ZNF626: variants seen among roughly 807,000 people sequenced by gnomAD.
The protein encoded by ZNF626 is CTC-513N18.7.
In ZNF626, 4 loss-of-function variants were observed where a neutral mutation model predicts 11.7. That is an observed-to-expected ratio of 0.34 (90% CI 0.17 to 0.78). The LOEUF is 0.78. Among genes scored for constraint, ZNF626 ranks in the 30% least tolerant of loss-of-function variants. ZNF626 has a pLI of 0.57. For missense variants in ZNF626, 588 were observed against 587.1 expected, an observed-to-expected ratio of 1.00 and a Z score of -0.01; for synonymous variants, 179 against 198.6, an observed-to-expected ratio of 0.90 and a Z score of 0.83.
intron 1 of ZNF626, among the ~76,000 whole-genome samples, chr19:20,646,661 C>T (rs1970082387): frequency 6.6e-6 from 1 of 152,094 alleles, no homozygotes; most frequent in African/African-American, 2.4e-5. Context: ...AGGGCAAGAA[C>T]AGGAACATGT....
At chr19:20,646,752 G>A (rs1254346415) in intron 1 of ZNF626, among the ~76,000 whole-genome samples, 2 of 152,158 alleles carry the variant, frequency 1.3e-5, no homozygotes, top group African/African-American at 4.8e-5. Flanking sequence ...TTAGTTAGAA[G>A]GCATCTCTAA....
At chr19:20,627,335 T>G (rs1407711901) in intron 3 of ZNF626, among the ~76,000 whole-genome samples, 2 of 151,350 alleles carry the variant, frequency 1.3e-5, no homozygotes, top group Non-Finnish European at 2.9e-5. Flanking sequence ...ATGAAGAATT[T>G]TTGTATTCAA....
At chr19:20,641,978 T>C (rs1287083035) in intron 3 of ZNF626, among the ~76,000 whole-genome samples, 1 of 152,002 alleles carries the variant, frequency 6.6e-6, no homozygotes, top group East Asian at 1.9e-4. Flanking sequence ...AAAATTACCT[T>C]CAAATCACAA....
intron 3 of ZNF626, among the ~76,000 whole-genome samples, chr19:20,633,705 T>C (rs541057363): frequency 6.6e-6 from 1 of 152,292 alleles, no homozygotes; most frequent in South Asian, 2.1e-4. Flanking sequence ...TTTCTTTGAC[T>C]AGGAAAGGGA....
intron 3 of ZNF626, among the ~76,000 whole-genome samples, chr19:20,628,350 A>T (rs553781207): frequency 6.6e-6 from 1 of 151,818 alleles, no homozygotes; most frequent in South Asian, 2.1e-4. Flanking sequence ...CTGAGGAATC[A>T]CCACACTGAC....
chr19:20,652,412 C>G (rs1555772662), intron 1 of ZNF626, among the ~76,000 whole-genome samples: 15 of 151,854 alleles, frequency 9.9e-5, no homozygotes, highest in Non-Finnish European at 1.5e-5. Flanking sequence ...GGAATCTACA[C>G]TTTGAGTAGC....
At chr19:20,638,451 A>AAATAAATAAATAAATAAAT (rs1555771128) in intron 3 of ZNF626, among the ~76,000 whole-genome samples, 1 of 150,836 alleles carries the variant, frequency 6.6e-6, no homozygotes, top group East Asian at 1.9e-4. Flanking sequence ...ATAAATAAAT[A>AAATAAATAAATAAATAAAT]AATAAAATTA....
chr19:20,650,450 T>C (rs1275945436), intron 1 of ZNF626, among the ~76,000 whole-genome samples: 1 of 152,164 alleles, frequency 6.6e-6, no homozygotes, highest in African/African-American at 2.4e-5. Flanking sequence ...TAATATAAAA[T>C]TTAAAAACTA....
At chr19:20,639,517 C>T (rs116620743) in intron 3 of ZNF626, among the ~76,000 whole-genome samples, 3,483 of 152,290 alleles carry the variant, frequency 0.023, 139 homozygotes, top group African/African-American at 0.079. Flanking sequence ...GTAAGAGGAT[C>T]CATTGGTGCC....
At chr19:20,632,861 C>T (rs531182639) in intron 3 of ZNF626, among the ~76,000 whole-genome samples, 10 of 152,260 alleles carry the variant, frequency 6.6e-5, no homozygotes, top group Admixed American at 1.3e-4. Context: ...GAGAGGCGCT[C>T]GGATTTTTAG....
intron 3 of ZNF626, among the ~76,000 whole-genome samples, chr19:20,640,949 G>C (rs371160672): frequency 6.6e-6 from 1 of 152,026 alleles, no homozygotes; most frequent in Non-Finnish European, 1.5e-5. Flanking sequence ...AGGAGTTTGA[G>C]ACCAGGCTGT....
chr19:20,656,394 T>C (rs903617288), intron 1 of ZNF626, among the ~76,000 whole-genome samples: 2 of 152,082 alleles, frequency 1.3e-5, no homozygotes. Context: ...GACTTCATGA[T>C]GAAGCTACCA....
chr19:20,627,591 G>A (rs1190543067), intron 3 of ZNF626, among the ~76,000 whole-genome samples: 2 of 151,760 alleles, frequency 1.3e-5, no homozygotes, highest in Admixed American at 6.6e-5. Context: ...TTCTCTTTCA[G>A]AAAACCATTT....
rs782382421 is a variant in ZNF626, at chr19:20,625,691, C to G, written c.227-41G>C. On this transcript the variant is annotated intron_variant, in intron 3 of 3. Transcript: ENST00000601440. The stretch of plus-strand genomic sequence containing the variant: ...AAAACACATTACTTCAATTGGTAGA[C>G]TCAGATAAATATAAATATATATATG... The G allele has an allele frequency of 4.7e-6, 7 of 1,498,936 alleles. No individual in the cohort carries two copies. The African/African-American group carries it at 8.4e-5, about 18-fold the overall frequency. The allele number at this position is 1,498,936 out of a possible 1,614,324, so 92.9% of individuals were successfully genotyped here.
At chr19:20,652,626 A>C (rs542575695) in intron 1 of ZNF626, among the ~76,000 whole-genome samples, 163 of 152,320 alleles carry the variant, frequency 1.1e-3, no homozygotes, top group African/African-American at 3.8e-3. Flanking sequence ...GAACAGTCTC[A>C]AAAGATGAAT....
chr19:20,645,810 T>C (rs782593925), intron 2 of ZNF626, 31 bp from the exon 3 acceptor site: 2 of 1,543,516 alleles, frequency 1.3e-6, no homozygotes, highest in Non-Finnish European at 1.8e-6. Context: ...AACATAAATC[T>C]TGCTTATGTT....
chr19:20,629,010 G>T (rs1568455566), intron 3 of ZNF626, among the ~76,000 whole-genome samples: 1 of 152,180 alleles, frequency 6.6e-6, no homozygotes, highest in Non-Finnish European at 1.5e-5. Flanking sequence ...TGGCTAGCCA[G>T]TTTTCCCAGC....
At position 20,623,644 on chromosome 19, in the gene ZNF626, CAA is replaced by C. The variant is rs1329938290; in HGVS notation, c.*644_*645del. 2 of 177,782 alleles carry C rather than the reference CAA, an allele frequency of 1.1e-5. No individual in the cohort carries two copies. The highest frequency in any genetic ancestry group is 2.4e-5 in the Non-Finnish European group (2 of 84,008). 11.0% of individuals were successfully genotyped at this position (177,782 alleles called of 1,614,324 possible). ...TGTAACCTTGTCTCTACTAAAAATACAAAAGTTAGCTGGGCATGGGGGTGGGC... is the reference window on the plus strand; with the variant it reads ...TGTAACCTTGTCTCTACTAAAAATACAAGTTAGCTGGGCATGGGGGTGGGC... On this transcript the variant is annotated 3_prime_UTR_variant, in exon 4 of 4. Coordinates refer to ENST00000601440, the MANE Select transcript of ZNF626 (RefSeq NM_001076675.3).
intron 3 of ZNF626, among the ~76,000 whole-genome samples, chr19:20,634,346 G>A (rs149886911): frequency 6.6e-4 from 100 of 152,280 alleles, no homozygotes; most frequent in African/African-American, 2.2e-3. Context: ...GACAACATCA[G>A]GATACACAGC....
Sources: gnomAD v4.1 joint callset for allele counts (sites outside exome capture counted in the v4.1 genomes callset) on GRCh38, gnomAD v4.1.1 for gene constraint, MANE v1.5 for transcripts, NCBI Gene and HGNC (gene_info 2026-07-23, HGNC 2026-07-21) for gene names.